Variants in CUX1 observed in about 807,000 individuals in gnomAD.
CUX1 encodes cut like homeobox 1.
In CUX1, 31 loss-of-function variants were observed where a neutral mutation model predicts 158.8. The ratio of observed to expected loss-of-function variants is 0.20; its 90% CI spans 0.15 to 0.26. The LOEUF (loss-of-function observed/expected upper bound fraction) is 0.26. Ranked by LOEUF, CUX1 falls within the 10% of genes least tolerant of loss-of-function variation. The pLI is 1.00. For synonymous variants in CUX1, 879 were observed against 862.1 expected (o/e 1.02, Z -0.34); for missense variants, 1,589 against 2,014.6 (o/e 0.79, Z 4.04).
chr7:102,089,008 C>T (rs1345623507), intron 4 of CUX1, among the ~76,000 whole-genome samples: 1 of 151,950 alleles, frequency 6.6e-6, no homozygotes, highest in East Asian at 1.9e-4. Context: ...CATAGGTTGC[C>T]GAGGGTTTAC....
At chr7:102,204,143 G>A (rs1563403320) in intron 18 of CUX1, among the ~76,000 whole-genome samples, 1 of 152,198 alleles carries the variant, frequency 6.6e-6, no homozygotes, top group Non-Finnish European at 1.5e-5. Flanking sequence ...TTCCCTCCCT[G>A]GGAGCTGAGA....
chr7:102,186,039 T>G (rs1028496144), intron 11 of CUX1, among the ~76,000 whole-genome samples: 1 of 152,184 alleles, frequency 6.6e-6, no homozygotes, highest in Non-Finnish European at 1.5e-5. Flanking sequence ...TCAGAGACAT[T>G]GGGAAACTGG....
chr7:102,112,236 C>T (rs756801571), intron 7 of CUX1, among the ~76,000 whole-genome samples: 40 of 130,788 alleles, frequency 3.1e-4, no homozygotes, highest in Non-Finnish European at 6.0e-4. Flanking sequence ...ACTTCTTTCT[C>T]TCTCTCTTTT....
At chr7:101,966,524 T>C (rs1811234023) in intron 2 of CUX1, among the ~76,000 whole-genome samples, 1 of 152,026 alleles carries the variant, frequency 6.6e-6, no homozygotes, top group African/African-American at 2.4e-5. Context: ...CGTAGTAAGG[T>C]GGTATTTTGC....
At chr7:101,874,204 A>G (rs1471907133) in intron 1 of CUX1, among the ~76,000 whole-genome samples, 2 of 152,232 alleles carry the variant, frequency 1.3e-5, no homozygotes, top group East Asian at 3.9e-4. Flanking sequence ...GAAATGGTAC[A>G]TTCCTTTCAT....
intron 2 of CUX1, among the ~76,000 whole-genome samples, chr7:101,943,689 T>TAAA (rs553867902): frequency 6.8e-6 from 1 of 146,068 alleles, no homozygotes; most frequent in African/African-American, 2.5e-5. Flanking sequence ...CTTTAAAATT[T>TAAA]AAAAAAAAAA....
At chr7:102,110,017 C>T (rs1027331465) in intron 6 of CUX1, among the ~76,000 whole-genome samples, 10 of 152,082 alleles carry the variant, frequency 6.6e-5, no homozygotes, top group African/African-American at 2.4e-4. Flanking sequence ...TGGAATAGAA[C>T]ATTTCCAAAA....
intron 3 of CUX1, among the ~76,000 whole-genome samples, chr7:102,049,309 G>T (rs114859887): frequency 1.3e-5 from 2 of 152,198 alleles, no homozygotes; most frequent in Non-Finnish European, 2.9e-5. Flanking sequence ...GCTTCGTTCC[G>T]TTCTGCCATT....
chr7:102,220,218 G>A (rs1459890976), intron 20 of CUX1, among the ~76,000 whole-genome samples: 3 of 152,046 alleles, frequency 2.0e-5, no homozygotes, highest in African/African-American at 7.3e-5. Context: ...AAAATTAGCT[G>A]GGCCTGGTGG....
At chr7:101,878,780 C>G (rs1799422097) in intron 1 of CUX1, among the ~76,000 whole-genome samples, 1 of 152,004 alleles carries the variant, frequency 6.6e-6, no homozygotes, top group African/African-American at 2.4e-5. Flanking sequence ...TCACACAATT[C>G]TCCTGCCTGA....
chr7:102,079,063 G>T (rs1827081780), intron 4 of CUX1, among the ~76,000 whole-genome samples: 3 of 152,190 alleles, frequency 2.0e-5, no homozygotes, highest in Admixed American at 6.5e-5. Context: ...GTTAAAATTA[G>T]AAAACACTGT....
chr7:102,029,566 A>G (rs1191194117), intron 3 of CUX1, among the ~76,000 whole-genome samples: 5 of 152,178 alleles, frequency 3.3e-5, no homozygotes, highest in Non-Finnish European at 7.3e-5. Flanking sequence ...GTAGCCAAAG[A>G]CAGAGAGGCG....
In CUX1 at chr7:102,201,489, C is replaced by T. The variant is rs1795433504; in HGVS notation, c.2192C>T (p.Ala731Val). The T allele has an allele frequency of 1.9e-6, 3 of 1,614,166 alleles. No individual in the cohort carries two copies. The East Asian group carries it at 6.7e-5, about 36-fold the overall frequency. ...QAALDPALKQAPLSQSDITIL... is the reference protein window; with the variant it reads ...QAALDPALKQVPLSQSDITIL... The stretch of plus-strand genomic sequence containing the variant: ...GCCCTCGACCCTGCCTTAAAGCAGG[C>T]ACCACTGTCCCAGAGTGACATCACC... The change falls in exon 18 of 24, where the codon GCA becomes GTA. Residue 731 changes from alanine (A) to valine (V), a missense_variant. Physicochemically the swap from Ala to Val is moderately conservative, Grantham distance 64. Around this residue, in one of 8 missense-constraint regions of CUX1, gnomAD observed 337 missense variants for 409.3 expected, o/e 0.82. Coordinates refer to ENST00000292535, the MANE Select transcript of CUX1 (RefSeq NM_181552.4). The surrounding 1 kb of genome is among the most constrained non-coding windows in gnomAD (Gnocchi z 5.0).
Position 102,252,255 on chromosome 7 carries a change from C to T in CUX1, c.*3213C>T. 1 of 985,456 alleles carries T rather than the reference C, an allele frequency of 1.0e-6. No homozygotes were observed. Among genetic ancestry groups the T allele is most frequent in the South Asian group, 4.7e-5 (1 of 21,286 alleles). The allele number at this position is 985,456 out of a possible 1,614,324, so 61.0% of individuals were successfully genotyped here. On this transcript the variant is annotated 3_prime_UTR_variant, in exon 24 of 24. Transcript: ENST00000292535. ...AGGGGAGCACCCCCTCCTGGTTGGG[C>T]CCCTCAGTTGGAGTCTAAGGGTTAA...
At chr7:102,059,561 G>A (rs957206808) in intron 3 of CUX1, among the ~76,000 whole-genome samples, 6 of 151,634 alleles carry the variant, frequency 4.0e-5, no homozygotes, top group Admixed American at 2.0e-4. Context: ...GAACCCGGGA[G>A]GTGGAGGTTG....
chr7:102,250,340 C>T lies in CUX1; in HGVS notation c.*1298C>T, dbSNP rs1801362247. The T allele has an allele frequency of 3.0e-6, 3 of 985,410 alleles. No individual in the cohort carries two copies. The highest frequency in any genetic ancestry group is 6.1e-5 in the Admixed American group (1 of 16,264). 61.0% of individuals were successfully genotyped at this position (985,410 alleles called of 1,614,324 possible). On this transcript the variant is annotated 3_prime_UTR_variant, in exon 24 of 24. Transcript: ENST00000292535. ...CCATCCCCAAGTAGATAGCAGTCTA[C>T]GGATCTCTCTCTGGCACAGAAGGCA...
At chr7:102,190,110 G>A (rs567080071) in intron 12 of CUX1, among the ~76,000 whole-genome samples, 31 of 152,366 alleles carry the variant, frequency 2.0e-4, no homozygotes, top group Non-Finnish European at 3.8e-4. Context: ...TGCATTGCAG[G>A]TATTCCAGAA....
chr7:102,191,044 C>G (rs1444574704), intron 12 of CUX1, among the ~76,000 whole-genome samples: 1 of 152,202 alleles, frequency 6.6e-6, no homozygotes, highest in African/African-American at 2.4e-5. Context: ...CCATGACCAG[C>G]TGCCTTCTCT....
At chr7:102,033,770 C>T (rs921431423) in intron 3 of CUX1, among the ~76,000 whole-genome samples, 1 of 152,122 alleles carries the variant, frequency 6.6e-6, no homozygotes. Flanking sequence ...AAAGAGCGAG[C>T]ACTTCTTAAC....
Sources: gnomAD v4.1 joint callset for allele counts (sites outside exome capture counted in the v4.1 genomes callset) on GRCh38, gnomAD v4.1.1 for gene constraint, gnomAD v4.1.1 regional missense constraint, Gnocchi (gnomAD v3.1) non-coding constraint, MANE v1.5 for transcripts, NCBI Gene and HGNC (gene_info 2026-07-23, HGNC 2026-07-21) for gene names.